The following FAM185A variants were observed in gnomAD, a reference collection of about 807,000 sequenced individuals.
FAM185A encodes protein FAM185A.
In FAM185A, 21 loss-of-function variants were observed where a neutral mutation model predicts 45.7. The ratio of observed to expected loss-of-function variants is 0.46; its 90% CI spans 0.33 to 0.66. FAM185A has a LOEUF of 0.66. FAM185A is among the 30% of genes least tolerant of loss of function. The probability of loss-of-function intolerance (pLI) is 0.03; values close to 1 mark genes in which losing one functional copy is unlikely to be tolerated. For missense variants in FAM185A, 305 were observed against 485.4 expected (o/e 0.63, Z 3.49); for synonymous variants, 117 against 194.0 (o/e 0.60, Z 3.30).
chr7:102,782,567 A>G (rs6465872), intron 6 of FAM185A, among the ~76,000 whole-genome samples: 70,036 of 151,796 alleles, frequency 0.46, 18,228 homozygotes, highest in African/African-American at 0.72. Flanking sequence ...ATAAGTGAAG[A>G]AGAAATAAAA....
At chr7:102,776,701 C>CAAA (rs1163390306) in intron 5 of FAM185A, among the ~76,000 whole-genome samples, 2 of 92,792 alleles carry the variant, frequency 2.2e-5, no homozygotes, top group East Asian at 1.5e-3. Flanking sequence ...GACCCTGTCT[C>CAAA]TAAAAAAAAA....
rs1797246893 is a variant in FAM185A, at chr7:102,808,171, A to T, written c.1067-119A>T. ...TCTTTGCAACTCCTGCCCAGTTCAG[A>T]CTATCTTTACCAAGATTCTTGATGT... is the stretch of plus-strand genomic sequence containing the variant. On this transcript the variant is annotated intron_variant, in intron 7 of 7. Coordinates refer to ENST00000413034, the MANE Select transcript of FAM185A (RefSeq NM_001145268.2). The T allele has an allele frequency of 4.2e-6, 3 of 710,974 alleles. No individual in the cohort carries two copies. The South Asian group carries it at 5.4e-5, about 13-fold the overall frequency. The allele number at this position is 710,974 out of a possible 1,614,324, so 44.0% of individuals were successfully genotyped here. A position where few individuals can be genotyped will look rare whatever the true frequency, so the allele number is the denominator to read the frequency against.
chr7:102,761,883 CA>C (rs1365098050), intron 4 of FAM185A, among the ~76,000 whole-genome samples: 3 of 152,072 alleles, frequency 2.0e-5, no homozygotes, highest in Non-Finnish European at 4.4e-5. Flanking sequence ...AGGCTGATCT[CA>C]AACTCCTGGG....
intron 5 of FAM185A, 72 bp from the exon 6 acceptor site, chr7:102,777,181 C>T (rs1261163640): frequency 4.6e-6 from 7 of 1,528,636 alleles, no homozygotes; most frequent in Non-Finnish European, 6.2e-6. Flanking sequence ...AAAGCAGAGC[C>T]TTTTATTTTA....
rs979654271 is a variant in FAM185A at position 102,808,314 on chromosome 7, G to A, written c.1091G>A (p.Arg364His). Residue 364 changes from arginine to histidine, a missense_variant, in exon 8 of 8, where the codon CGT (arginine) becomes CAT (histidine). Arg to His is a conservative substitution (Grantham distance 29, BLOSUM62 0). Around this residue, in one of 5 missense-constraint regions of FAM185A, gnomAD observed 66 missense variants for 74.6 expected, o/e 0.89. Coordinates refer to ENST00000413034, the MANE Select transcript of FAM185A (RefSeq NM_001145268.2). ...GGACTCATGAATCAAGCAAGCAAAC[G>A]TGAAAAATGGATTAAGGCTGATGCC... ...VTGLMNQASK[R>H]EKWIKADAPK... is the part of the protein sequence containing the mutation. The A allele has an allele frequency of 8.4e-6, 13 of 1,551,694 alleles. No homozygotes were observed. Among genetic ancestry groups the A allele is most frequent in the Admixed American group, 7.8e-5 (4 of 50,990 alleles).
the FAM185A span, among the ~76,000 whole-genome samples, chr7:102,826,045 GT>G: frequency 4.3e-4 from 66 of 152,204 alleles, no homozygotes; most frequent in African/African-American, 1.5e-3. Flanking sequence ...ATTAATATAT[GT>G]GATTTTTTTT....
chr7:102,824,086 C>T, the FAM185A span, among the ~76,000 whole-genome samples: 3 of 152,140 alleles, frequency 2.0e-5, no homozygotes, highest in South Asian at 2.1e-4. Flanking sequence ...CCTGACAGTT[C>T]CTGTAGATCA....
chr7:102,766,166 A>T (rs1166875463), intron 4 of FAM185A, among the ~76,000 whole-genome samples: 2 of 152,280 alleles, frequency 1.3e-5, no homozygotes, highest in Admixed American at 6.5e-5. Flanking sequence ...AACTGATTCG[A>T]TTAAGATGTA....
At chr7:102,798,679 G>GA (rs1221110280) in intron 7 of FAM185A, among the ~76,000 whole-genome samples, 1 of 151,984 alleles carries the variant, frequency 6.6e-6, no homozygotes, top group Non-Finnish European at 1.5e-5. Flanking sequence ...AGAAAAAGTT[G>GA]AAAAAACAAA....
At chr7:102,818,638 G>C in the FAM185A span, among the ~76,000 whole-genome samples, 1 of 152,134 alleles carries the variant, frequency 6.6e-6, no homozygotes, top group African/African-American at 2.4e-5. Context: ...TAAGCTTCTA[G>C]CAACTGCTAA....
the FAM185A span, among the ~76,000 whole-genome samples, chr7:102,839,708 A>T: frequency 2.6e-5 from 4 of 152,190 alleles, no homozygotes; most frequent in African/African-American, 9.7e-5. Flanking sequence ...AGCCTCCCAA[A>T]GTGCTGGGAT....
intron 3 of FAM185A, among the ~76,000 whole-genome samples, chr7:102,759,306 T>G (rs2129433533): frequency 6.6e-6 from 1 of 152,206 alleles, no homozygotes; most frequent in East Asian, 1.9e-4. Flanking sequence ...GGCCACTGTT[T>G]CCTCTCAGTT....
chr7:102,833,928 A>G, the FAM185A span, among the ~76,000 whole-genome samples: 1 of 151,852 alleles, frequency 6.6e-6, no homozygotes, highest in African/African-American at 2.4e-5. Flanking sequence ...AAAAGTTTAC[A>G]ACTCAGCAGT....
chr7:102,826,896 G>A, the FAM185A span, among the ~76,000 whole-genome samples: 1 of 147,000 alleles, frequency 6.8e-6, no homozygotes, highest in African/African-American at 2.5e-5. Context: ...TTATCTTCTT[G>A]CATATTATGT....
At chr7:102,811,051 T>C (rs535666583), downstream of FAM185A, among the ~76,000 whole-genome samples, 1 of 152,350 alleles carries the variant, frequency 6.6e-6, no homozygotes, top group South Asian at 2.1e-4. Context: ...ATATTTGGTA[T>C]GGTTGTGGTG....
chr7:102,847,589 T>C, the FAM185A span, among the ~76,000 whole-genome samples: 33,814 of 151,640 alleles, frequency 0.22, 4,335 homozygotes, highest in East Asian at 0.59. Flanking sequence ...TGCAGTGGTG[T>C]GATCTCGGCT....
chr7:102,840,907 T>C, the FAM185A span, among the ~76,000 whole-genome samples: 1 of 152,226 alleles, frequency 6.6e-6, no homozygotes, highest in South Asian at 2.1e-4. Flanking sequence ...ACATGGACCC[T>C]GGCTTTTGTC....
chr7:102,822,256 G>T, the FAM185A span: 17 of 1,553,310 alleles, frequency 1.1e-5, no homozygotes, highest in East Asian at 3.1e-4. Context: ...TCTCAGGGAA[G>T]AACAGTGCCT....
the FAM185A span, among the ~76,000 whole-genome samples, chr7:102,822,678 C>T: frequency 2.6e-5 from 4 of 152,294 alleles, no homozygotes; most frequent in African/African-American, 9.6e-5. Flanking sequence ...TCTCTTTCAC[C>T]CAGCTTGTCA....
Sources: gnomAD v4.1 joint callset for allele counts (sites outside exome capture counted in the v4.1 genomes callset) on GRCh38, gnomAD v4.1.1 for gene constraint, gnomAD v4.1.1 regional missense constraint, MANE v1.5 for transcripts, NCBI Gene and HGNC (gene_info 2026-07-23, HGNC 2026-07-21) for gene names.